Variants in ELOVL6 observed in about 807,000 individuals in gnomAD.
The protein encoded by ELOVL6 is ELOVL fatty acid elongase 6.
In ELOVL6, 8 loss-of-function variants were observed where a neutral mutation model predicts 31.7. The observed-to-expected ratio is 0.25, with a 90% CI of 0.15 to 0.45. The LOEUF is 0.45. ELOVL6 is among the 20% of genes least tolerant of loss of function. The pLI is 1.00. For synonymous variants in ELOVL6, 101 were observed against 117.7 expected (o/e 0.86, Z 0.92); for missense variants, 126 against 326.4 (o/e 0.39, Z 4.73).
intron 1 of ELOVL6, among the ~76,000 whole-genome samples, chr4:110,131,514 T>C (rs1164473549): frequency 6.6e-6 from 1 of 152,238 alleles, no homozygotes; most frequent in Admixed American, 6.5e-5. Flanking sequence ...CTGGTTTACT[T>C]GTTTATTCAA....
intron 1 of ELOVL6, among the ~76,000 whole-genome samples, chr4:110,106,481 T>C (rs1308764982): frequency 6.6e-6 from 1 of 152,156 alleles, no homozygotes; most frequent in East Asian, 1.9e-4. Flanking sequence ...GGAACAGAAC[T>C]GAGGGTTCCT....
rs145330562 is a variant in ELOVL6, at chr4:110,085,212, A to G, written c.221+20285T>C. On this transcript the variant is annotated intron_variant, in intron 2 of 3. Coordinates refer to ENST00000302274, the MANE Select transcript of ELOVL6 (RefSeq NM_024090.3). ...GAGGGGAAATCATAACCACTGGAATATTCTTCTCCTAGGAAGTCACAGGAG... is the reference window on the plus strand; with the variant it reads ...GAGGGGAAATCATAACCACTGGAATGTTCTTCTCCTAGGAAGTCACAGGAG... Among the ~76,000 whole-genome samples, 1,497 of 152,272 alleles carry G rather than the reference A, an allele frequency of 9.8e-3. 13 individuals are homozygous for G. Among genetic ancestry groups the G allele is most frequent in the Non-Finnish European group, 0.015 (1,012 of 68,016 alleles).
intron 1 of ELOVL6, among the ~76,000 whole-genome samples, chr4:110,193,288 G>T (rs1438368402): frequency 2.1e-4 from 32 of 152,278 alleles, no homozygotes; most frequent in East Asian, 3.9e-4. Flanking sequence ...CTACAAAAAA[G>T]ATATAGATGT....
chr4:110,163,682 T>C (rs1758692181), intron 1 of ELOVL6, among the ~76,000 whole-genome samples: 1 of 152,076 alleles, frequency 6.6e-6, no homozygotes, highest in African/African-American at 2.4e-5. Flanking sequence ...AAAGCAAAAA[T>C]GGAAGAGTTT....
intron 2 of ELOVL6, among the ~76,000 whole-genome samples, chr4:110,090,968 GA>G (rs1449157742): frequency 1.3e-5 from 2 of 152,124 alleles, no homozygotes; most frequent in Non-Finnish European, 2.9e-5. Context: ...CCTTATGTGT[GA>G]ATGCATAGGA....
At chr4:110,195,790 C>T (rs151212549) in intron 1 of ELOVL6, among the ~76,000 whole-genome samples, 149 of 152,240 alleles carry the variant, frequency 9.8e-4, no homozygotes, top group Non-Finnish European at 1.6e-3. Context: ...ACTCACTGGA[C>T]ATTTTCTCAA....
At chr4:110,119,547 G>T (rs1426415406) in intron 1 of ELOVL6, among the ~76,000 whole-genome samples, 1 of 152,140 alleles carries the variant, frequency 6.6e-6, no homozygotes, top group Non-Finnish European at 1.5e-5. Context: ...TTTCTACAGC[G>T]GGAAGCAGAG....
At chr4:110,110,363 T>A (rs1218613737) in intron 1 of ELOVL6, among the ~76,000 whole-genome samples, 1 of 101,430 alleles carries the variant, frequency 9.9e-6, no homozygotes, top group Admixed American at 1.0e-4. Context: ...CATATAGGCA[T>A]TTTTTTTACG....
chr4:110,072,262 G>A (rs1267664842), intron 2 of ELOVL6, among the ~76,000 whole-genome samples: 3 of 152,136 alleles, frequency 2.0e-5, no homozygotes, highest in Non-Finnish European at 2.9e-5. Flanking sequence ...TGGATCATGA[G>A]GTCAAGAGAT....
intron 1 of ELOVL6, among the ~76,000 whole-genome samples, chr4:110,120,353 TA>T (rs34176994): frequency 1.7e-4 from 25 of 144,672 alleles, no homozygotes; most frequent in Middle Eastern, 3.5e-3. Flanking sequence ...AATAAAAAAG[TA>T]AAAAAAAAAA....
chr4:110,162,921 T>G (rs1399091207), intron 1 of ELOVL6, among the ~76,000 whole-genome samples: 1 of 152,198 alleles, frequency 6.6e-6, no homozygotes, highest in Non-Finnish European at 1.5e-5. Context: ...GTGAACAATT[T>G]ACTTGAGGTC....
In ELOVL6 at chr4:110,079,385, AC is replaced by A. The variant is rs533715728; in HGVS notation, c.222-19632del. Among the ~76,000 whole-genome samples, 638 of 152,266 alleles carry A rather than the reference AC, an allele frequency of 4.2e-3. 4 individuals are homozygous for A. The highest frequency in any genetic ancestry group is 7.8e-3 in the Admixed American group (119 of 15,298). On this transcript the variant is annotated intron_variant, in intron 2 of 3. Transcript: ENST00000302274. Reference sequence around the variant, plus strand: ...TGGAAAAGAACAGAAATTATAACAAACTGTCTCTCAGACCACGGTGCAATCA... The same window carrying A: ...TGGAAAAGAACAGAAATTATAACAAATGTCTCTCAGACCACGGTGCAATCA...
intron 1 of ELOVL6, among the ~76,000 whole-genome samples, chr4:110,128,445 C>CA (rs2076027353): frequency 6.6e-6 from 1 of 152,122 alleles, no homozygotes; most frequent in South Asian, 2.1e-4. Flanking sequence ...AAAGATCACT[C>CA]ACTGATGAAA....
At chr4:110,075,471 G>T (rs1397778973) in intron 2 of ELOVL6, among the ~76,000 whole-genome samples, 3 of 152,136 alleles carry the variant, frequency 2.0e-5, no homozygotes, top group Non-Finnish European at 2.9e-5. Context: ...CAAAGTGGAA[G>T]AACCTGGAGG....
chr4:110,054,765 T>C (rs1213066517), intron 3 of ELOVL6, among the ~76,000 whole-genome samples: 1 of 152,156 alleles, frequency 6.6e-6, no homozygotes, highest in Non-Finnish European at 1.5e-5. Context: ...TTTGTGTTTC[T>C]CCTGTCTGGA....
chr4:110,120,364 AAAG>A (rs1480532072), intron 1 of ELOVL6, among the ~76,000 whole-genome samples: 8 of 151,672 alleles, frequency 5.3e-5, no homozygotes, highest in Non-Finnish European at 1.0e-4. Flanking sequence ...AAAAAAAAAA[AAAG>A]ATTTGGCAAG....
intron 2 of ELOVL6, among the ~76,000 whole-genome samples, chr4:110,079,806 G>C (rs1017268533): frequency 3.9e-5 from 6 of 152,106 alleles, no homozygotes; most frequent in Admixed American, 3.3e-4. Flanking sequence ...CCAGGAGCTG[G>C]TTTTTTGAAA....
chr4:110,054,996 TC>T (rs1754939876), intron 3 of ELOVL6, among the ~76,000 whole-genome samples: 1 of 152,104 alleles, frequency 6.6e-6, no homozygotes, highest in African/African-American at 2.4e-5. Flanking sequence ...CTGGAGCTGA[TC>T]AGTAGCACCA....
intron 1 of ELOVL6, among the ~76,000 whole-genome samples, chr4:110,182,835 G>A (rs1429449492): frequency 1.3e-5 from 2 of 152,142 alleles, no homozygotes; most frequent in Non-Finnish European, 2.9e-5. Flanking sequence ...TTGAACCCGG[G>A]AGGCGGAGGT....
Sources: allele counts gnomAD v4.1 joint callset (sites outside exome capture counted in the v4.1 genomes callset), GRCh38; gene constraint gnomAD v4.1.1; transcripts MANE v1.5; gene names NCBI Gene and HGNC (gene_info 2026-07-23, HGNC 2026-07-21).